Variants in SLCO6A1 observed in about 807,000 individuals in gnomAD.
SLCO6A1 encodes solute carrier organic anion transporter family member 6A1.
In SLCO6A1, 65 loss-of-function variants were observed where a neutral mutation model predicts 72.7. That is an observed-to-expected ratio of 0.89 (90% CI 0.73 to 1.10). The LOEUF (loss-of-function observed/expected upper bound fraction) is 1.10, where lower values mean the gene tolerates loss of function less well. SLCO6A1 is among the 50% of genes least tolerant of loss of function. SLCO6A1 has a pLI of 0.00. For synonymous variants in SLCO6A1, 314 were observed against 298.2 expected (o/e 1.05, Z -0.55); for missense variants, 874 against 872.6 (o/e 1.00, Z -0.02).
At chr5:102,392,438 G>A (rs189774171) in intron 10 of SLCO6A1, among the ~76,000 whole-genome samples, 18 of 151,946 alleles carry the variant, frequency 1.2e-4, no homozygotes, top group Admixed American at 3.9e-4. Flanking sequence ...TTTAGCATAA[G>A]TAATTTTCTT....
At chr5:102,385,904 G>A (rs552399811) in intron 12 of SLCO6A1, among the ~76,000 whole-genome samples, 1 of 145,738 alleles carries the variant, frequency 6.9e-6, no homozygotes, top group African/African-American at 2.5e-5. Flanking sequence ...GGGCTCAAAT[G>A]ATCCTACTGC....
intron 12 of SLCO6A1, among the ~76,000 whole-genome samples, chr5:102,387,100 G>A (rs773602340): frequency 6.6e-6 from 1 of 152,142 alleles, no homozygotes. Context: ...TGTGAGGGAA[G>A]AAGTGCTGAA....
At chr5:102,440,833 G>A (rs1749795573) in intron 6 of SLCO6A1, among the ~76,000 whole-genome samples, 1 of 152,092 alleles carries the variant, frequency 6.6e-6, no homozygotes, top group Non-Finnish European at 1.5e-5. Context: ...ATGTTGCATT[G>A]GTAACAAGTA....
At position 102,470,454 on chromosome 5, in the gene SLCO6A1, T is replaced by C. The variant is rs563299637; in HGVS notation, c.899+5243A>G. ...TTTCTAGTTTATTTGCATAGAGATG[T>C]TTATAGTATTCTCTGATGGTAGTTT... On this transcript the variant is annotated intron_variant, in intron 4 of 13. Transcript: ENST00000506729. 2.0e-5 allele frequency among the ~76,000 whole-genome samples: 3 copies of C among 152,270 alleles called. No homozygotes were observed. The South Asian group carries it at 6.2e-4, about 32-fold the overall frequency.
At chr5:102,374,705 T>A (rs934973240) in intron 12 of SLCO6A1, among the ~76,000 whole-genome samples, 1 of 152,230 alleles carries the variant, frequency 6.6e-6, no homozygotes, top group Non-Finnish European at 1.5e-5. Context: ...GGTAGTTATA[T>A]CTGACATAGT....
At chr5:102,481,004 G>A (rs1369915886) in intron 1 of SLCO6A1, among the ~76,000 whole-genome samples, 1 of 152,082 alleles carries the variant, frequency 6.6e-6, no homozygotes, top group Non-Finnish European at 1.5e-5. Context: ...ACCATATTAT[G>A]TGTATTTCTA....
chr5:102,497,619 GA>G (rs1257839879), intron 1 of SLCO6A1, among the ~76,000 whole-genome samples: 16 of 152,312 alleles, frequency 1.1e-4, no homozygotes, highest in African/African-American at 3.9e-4. Flanking sequence ...TATAAATGAG[GA>G]AATTATGACA....
chr5:102,485,238 C>T (rs1057037212), intron 1 of SLCO6A1, among the ~76,000 whole-genome samples: 4 of 148,308 alleles, frequency 2.7e-5, no homozygotes, highest in East Asian at 2.0e-4. Flanking sequence ...GCAACAAGAG[C>T]GAAACTCCAT....
At chr5:102,409,486 AT>A (rs1287133080) in intron 9 of SLCO6A1, among the ~76,000 whole-genome samples, 1 of 152,004 alleles carries the variant, frequency 6.6e-6, no homozygotes, top group South Asian at 2.1e-4. Context: ...TTTTGTTAAG[AT>A]TTTTTTATTG....
chr5:102,382,128 T>TA (rs931619393), intron 12 of SLCO6A1, among the ~76,000 whole-genome samples: 3 of 151,788 alleles, frequency 2.0e-5, no homozygotes, highest in African/African-American at 4.8e-5. Flanking sequence ...TTTTTACAGT[T>TA]ACATATATTA....
At chr5:102,386,689 G>C (rs1158898747) in intron 12 of SLCO6A1, among the ~76,000 whole-genome samples, 1 of 152,130 alleles carries the variant, frequency 6.6e-6, no homozygotes, top group East Asian at 1.9e-4. Context: ...TGTAACACAG[G>C]ATTGGGGGCA....
chr5:102,416,836 T>C (rs774007946), intron 8 of SLCO6A1, among the ~76,000 whole-genome samples: 4 of 152,200 alleles, frequency 2.6e-5, no homozygotes, highest in African/African-American at 4.8e-5. Flanking sequence ...TGTATTGTTA[T>C]GTGGGCCATT....
chr5:102,486,575 C>A (rs1307692397), intron 1 of SLCO6A1, among the ~76,000 whole-genome samples: 2 of 151,854 alleles, frequency 1.3e-5, no homozygotes, highest in Non-Finnish European at 2.9e-5. Flanking sequence ...TCTATTGTTT[C>A]CAGGAGGCAA....
intron 6 of SLCO6A1, among the ~76,000 whole-genome samples, chr5:102,441,685 T>A (rs1749841300): frequency 6.6e-6 from 1 of 152,110 alleles, no homozygotes; most frequent in Admixed American, 6.5e-5. Flanking sequence ...ATTAACATGG[T>A]TTAGCTATCA....
intron 4 of SLCO6A1, among the ~76,000 whole-genome samples, chr5:102,463,358 A>G (rs1751142876): frequency 6.6e-6 from 1 of 152,206 alleles, no homozygotes; most frequent in African/African-American, 2.4e-5. Flanking sequence ...GGAAAACAGT[A>G]TGGAGATTTC....
At chr5:102,379,751 A>G (rs1746006113) in intron 12 of SLCO6A1, among the ~76,000 whole-genome samples, 2 of 138,332 alleles carry the variant, frequency 1.4e-5, no homozygotes, top group Non-Finnish European at 3.1e-5. Flanking sequence ...TTCCATATGA[A>G]TTTTAGTTAT....
intron 9 of SLCO6A1, among the ~76,000 whole-genome samples, chr5:102,412,091 G>A (rs914707713): frequency 2.6e-5 from 4 of 151,816 alleles, no homozygotes; most frequent in Non-Finnish European, 5.9e-5. Flanking sequence ...TCAACCAATT[G>A]TCGACCAGAA....
At chr5:102,476,722 A>G (rs1304866124) in intron 3 of SLCO6A1, among the ~76,000 whole-genome samples, 2 of 152,004 alleles carry the variant, frequency 1.3e-5, no homozygotes, top group Non-Finnish European at 2.9e-5. Context: ...ATATAACTAG[A>G]AATTAAAAAT....
chr5:102,389,584 A>G (rs938254054), intron 11 of SLCO6A1, among the ~76,000 whole-genome samples: 1 of 151,728 alleles, frequency 6.6e-6, no homozygotes, highest in African/African-American at 2.4e-5. Flanking sequence ...ATTCTTGCCA[A>G]TGTGCATTAT....
Sources: gnomAD v4.1 joint callset for allele counts (sites outside exome capture counted in the v4.1 genomes callset) on GRCh38, gnomAD v4.1.1 for gene constraint, MANE v1.5 for transcripts, NCBI Gene and HGNC (gene_info 2026-07-23, HGNC 2026-07-21) for gene names.